Variants in TRPC4AP observed in about 807,000 individuals in gnomAD.
The protein encoded by TRPC4AP is transient receptor potential cation channel subfamily C member 4 associated protein.
In TRPC4AP, 45 loss-of-function variants were observed where a neutral mutation model predicts 99.0. That is an observed-to-expected ratio of 0.45 (90% CI 0.36 to 0.58). The LOEUF is 0.58. Among genes scored for constraint, TRPC4AP ranks in the 20% least tolerant of loss-of-function variants. The pLI is 0.00. For missense variants in TRPC4AP, 879 were observed against 985.3 expected, an observed-to-expected ratio of 0.89 and a Z score of 1.44; for synonymous variants, 408 against 385.8, an observed-to-expected ratio of 1.06 and a Z score of -0.67.
intron 10 of TRPC4AP, 62 bp downstream of exon 10, chr20:35,015,946 G>C: frequency 2.5e-6 from 4 of 1,602,518 alleles, no homozygotes; most frequent in Non-Finnish European, 3.4e-6. Context: ...TCAGCAGCAG[G>C]TCTTGAAACA....
At chr20:35,011,112 T>G (rs1045372652) in intron 11 of TRPC4AP, among the ~76,000 whole-genome samples, 26 of 152,054 alleles carry the variant, frequency 1.7e-4, no homozygotes, top group Middle Eastern at 6.8e-3. Context: ...TATAAAAAAT[T>G]AGCTGGGCGT....
intron 11 of TRPC4AP, among the ~76,000 whole-genome samples, chr20:35,011,716 A>G (rs1057262540): frequency 6.6e-6 from 1 of 152,206 alleles, no homozygotes; most frequent in African/African-American, 2.4e-5. Context: ...GCTGGCCACA[A>G]TGGTCTTCCC....
chr20:35,021,381 T>C (rs1002747087), intron 8 of TRPC4AP, 25 bp from the exon 9 acceptor site: 10 of 1,609,462 alleles, frequency 6.2e-6, no homozygotes, highest in East Asian at 2.2e-5. Context: ...GGAGACAGGA[T>C]TGAGTCACAG....
intron 2 of TRPC4AP, among the ~76,000 whole-genome samples, chr20:35,071,769 G>T (rs1033351542): frequency 6.6e-5 from 10 of 152,304 alleles, no homozygotes; most frequent in African/African-American, 2.4e-4. Flanking sequence ...CTTTATAGCA[G>T]CATGATTTAT....
At chr20:35,054,498 T>A (rs535363737) in intron 5 of TRPC4AP, among the ~76,000 whole-genome samples, 1 of 152,164 alleles carries the variant, frequency 6.6e-6, no homozygotes, top group Non-Finnish European at 1.5e-5. Flanking sequence ...TAACACTAAG[T>A]GCCATCCTCT....
At chr20:35,056,829 T>A (rs373796507) in intron 4 of TRPC4AP, among the ~76,000 whole-genome samples, 1 of 148,398 alleles carries the variant, frequency 6.7e-6, no homozygotes, top group South Asian at 2.1e-4. Context: ...AAAAAAAAAA[T>A]ACAAAAATTA....
intron 8 of TRPC4AP, among the ~76,000 whole-genome samples, chr20:35,033,758 A>T (rs1397275969): frequency 6.6e-6 from 1 of 152,122 alleles, no homozygotes; most frequent in African/African-American, 2.4e-5. Context: ...CTGGGAGGCC[A>T]AGGAGGGTGG....
rs1034914141 is a variant in TRPC4AP, at chr20:35,080,408, G to A, written c.169-2234C>T. ...CCCAGCTACTCGGGAGGCTGAGGTG[G>A]GAGAATGGCTTGAGCCCAGGAGGCA... On this transcript the variant is annotated intron_variant, in intron 1 of 18. Transcript: ENST00000252015. Among the ~76,000 whole-genome samples the A allele has an allele frequency of 5.3e-5, 8 of 151,924 alleles. No homozygotes were observed. The South Asian group carries it at 1.7e-3, about 32-fold the overall frequency.
chr20:35,054,857 G>A (rs905367460), intron 5 of TRPC4AP, 119 bp downstream of exon 5: 10 of 846,884 alleles, frequency 1.2e-5, no homozygotes, highest in East Asian at 2.8e-5. Flanking sequence ...AAATAAGCCC[G>A]ATTCCCCCAC....
At chr20:35,034,375 A>G (rs2147334643) in intron 8 of TRPC4AP, among the ~76,000 whole-genome samples, 1 of 152,000 alleles carries the variant, frequency 6.6e-6, no homozygotes, top group South Asian at 2.1e-4. Context: ...GCTAGGGCAA[A>G]GGTGATCAGA....
At chr20:35,017,145 G>A (rs1000096363) in intron 9 of TRPC4AP, among the ~76,000 whole-genome samples, 3 of 152,022 alleles carry the variant, frequency 2.0e-5, no homozygotes, top group African/African-American at 7.3e-5. Context: ...ATAAATTATG[G>A]TATGCCACTC....
intron 1 of TRPC4AP, among the ~76,000 whole-genome samples, chr20:35,089,771 G>A (rs558682522): frequency 2.0e-4 from 31 of 152,126 alleles, no homozygotes; most frequent in African/African-American, 7.5e-4. Flanking sequence ...GCTTGAATCC[G>A]GGAGACGGAG....
rs114570832 is a variant in TRPC4AP at position 35,034,816 on chromosome 20, C to T, written c.1051+307G>A. Reference sequence around the variant, plus strand: ...GAAACACTGTAGAAAGAAAAAGAGACGAGGAGAGAAGTTTCTAGGTTCCTA... The same window carrying T: ...GAAACACTGTAGAAAGAAAAAGAGATGAGGAGAGAAGTTTCTAGGTTCCTA... On this transcript the variant is annotated intron_variant, in intron 8 of 18. Coordinates refer to ENST00000252015, the MANE Select transcript of TRPC4AP (RefSeq NM_015638.3). Among the ~76,000 whole-genome samples, 1,032 of 152,130 alleles carry T rather than the reference C, an allele frequency of 6.8e-3. 16 individuals carry two copies. Among genetic ancestry groups the T allele is most frequent in the African/African-American group, 0.024 (983 of 41,502 alleles).
At chr20:35,032,141 C>A (rs2147328551) in intron 8 of TRPC4AP, among the ~76,000 whole-genome samples, 1 of 152,302 alleles carries the variant, frequency 6.6e-6, no homozygotes, top group East Asian at 1.9e-4. Flanking sequence ...CCGCCCACCT[C>A]AGCCTCCCAA....
At chr20:35,058,148 A>C (rs1414987533) in intron 3 of TRPC4AP, among the ~76,000 whole-genome samples, 1 of 152,228 alleles carries the variant, frequency 6.6e-6, no homozygotes, top group Non-Finnish European at 1.5e-5. Flanking sequence ...GTACCTAACA[A>C]TAGAGCCCAA....
At chr20:35,030,803 G>GAGAA (rs1222335990) in intron 8 of TRPC4AP, among the ~76,000 whole-genome samples, 11 of 152,106 alleles carry the variant, frequency 7.2e-5, no homozygotes, top group Non-Finnish European at 1.2e-4. Flanking sequence ...CTGAAGAAAA[G>GAGAA]GAGAAGAAAT....
chr20:35,003,395 G>GA lies in TRPC4AP; in HGVS notation c.2256+14_2256+15insT. 2 of 1,473,936 alleles carry GA rather than the reference G, an allele frequency of 1.4e-6. No individual in the cohort carries two copies. The highest frequency in any genetic ancestry group is 1.2e-5 in the South Asian group (1 of 86,700). The allele number at this position is 1,473,936 out of a possible 1,614,324, so 91.3% of individuals were successfully genotyped here. A position where few individuals can be genotyped will look rare whatever the true frequency, so the allele number is the denominator to read the frequency against. ...CGCGGCCCACCCATCACCCCCTTGA[G>GA]GGTGGGGCACTCACGTTCTCTAGGC... On this transcript the variant is annotated intron_variant, in intron 18 of 18. Transcript: ENST00000252015.
At chr20:35,004,393 C>T in intron 17 of TRPC4AP, 65 bp downstream of exon 17, 1 of 1,409,794 alleles carries the variant, frequency 7.1e-7, no homozygotes, top group Non-Finnish European at 9.8e-7. Context: ...ACCTGCTGGG[C>T]ACCAGGACAA....
chr20:35,046,579 G>C (rs1332980326), intron 6 of TRPC4AP, among the ~76,000 whole-genome samples: 1 of 152,160 alleles, frequency 6.6e-6, no homozygotes, highest in African/African-American at 2.4e-5. Flanking sequence ...GGGTATCAGT[G>C]AATGTGCCCA....
Sources: allele counts gnomAD v4.1 joint callset (sites outside exome capture counted in the v4.1 genomes callset), GRCh38; gene constraint gnomAD v4.1.1; transcripts MANE v1.5; gene names NCBI Gene and HGNC (gene_info 2026-07-23, HGNC 2026-07-21).